TBX15: variants seen among roughly 807,000 people sequenced by gnomAD.
TBX15 encodes T-box transcription factor TBX15.
In TBX15, 18 loss-of-function variants were observed where a neutral mutation model predicts 53.9. That is an observed-to-expected ratio of 0.33 (90% CI 0.23 to 0.49). The LOEUF (loss-of-function observed/expected upper bound fraction) is 0.49, where lower values mean the gene tolerates loss of function less well. TBX15 is among the 20% of genes least tolerant of loss of function. The pLI, the probability that TBX15 is intolerant of heterozygous loss-of-function variation, is 0.98. For synonymous variants in TBX15, 295 were observed against 278.0 expected (o/e 1.06, Z -0.61); for missense variants, 692 against 749.5 (o/e 0.92, Z 0.90).
chr1:118,986,248 T>A, intron 1 of TBX15, among the ~76,000 whole-genome samples: 1 of 152,220 alleles, frequency 6.6e-6, no homozygotes, highest in Admixed American at 6.5e-5. Flanking sequence ...ACAGTAGCCC[T>A]GGGTGCCTTT....
At chr1:118,921,564 C>T (rs533346634) in intron 5 of TBX15, among the ~76,000 whole-genome samples, 8 of 152,338 alleles carry the variant, frequency 5.3e-5, no homozygotes, top group Non-Finnish European at 1.2e-4. Context: ...TGTAAAAATA[C>T]ACAACTTGCT....
chr1:118,909,927 T>C (rs971170227), intron 6 of TBX15, among the ~76,000 whole-genome samples: 4 of 152,128 alleles, frequency 2.6e-5, no homozygotes, highest in African/African-American at 7.2e-5. Flanking sequence ...GCTAGTATGC[T>C]CAGCCACAGG....
At chr1:118,953,441 TG>T (rs1553225804) in intron 1 of TBX15, among the ~76,000 whole-genome samples, 1 of 152,208 alleles carries the variant, frequency 6.6e-6, no homozygotes, top group Non-Finnish European at 1.5e-5. Flanking sequence ...CCTCCCACTC[TG>T]GGCCTTGGGA....
intron 7 of TBX15, among the ~76,000 whole-genome samples, chr1:118,893,428 GGAAGGAAGGAAGGAAGGAAA>G: frequency 8.5e-6 from 1 of 117,138 alleles, no homozygotes; most frequent in Non-Finnish European, 1.6e-5. Flanking sequence ...AAAGAAAGAT[GGAAGGAAGGAAGGAAGGAAA>G]GAAGGAAGGA....
intron 7 of TBX15, among the ~76,000 whole-genome samples, chr1:118,898,107 G>A (rs1317124753): frequency 6.6e-6 from 1 of 152,128 alleles, no homozygotes; most frequent in African/African-American, 2.4e-5. Context: ...TAATGCAGAC[G>A]ATAAAACTGG....
chr1:118,893,313 G>GGAAGGAAGGAAA (rs1488071535), intron 7 of TBX15, among the ~76,000 whole-genome samples: 7 of 90,058 alleles, frequency 7.8e-5, no homozygotes, highest in African/African-American at 2.8e-4. Flanking sequence ...AAGGAAGGAA[G>GGAAGGAAGGAAA]GAAAGAAAGA....
chr1:118,978,395 T>A (rs1306952659), intron 1 of TBX15, among the ~76,000 whole-genome samples: 1 of 152,164 alleles, frequency 6.6e-6, no homozygotes, highest in African/African-American at 2.4e-5. Flanking sequence ...AAAACCAAAG[T>A]TAGGATCACA....
rs1297445118 is a variant in TBX15 at position 118,884,555 on chromosome 1, C to T, written c.*177G>A. On this transcript the variant is annotated 3_prime_UTR_variant, in exon 8 of 8. Transcript: ENST00000369429. ...TGCGGATGATTCTATCGCAAGTATC[C>T]TTCACTGGCTTAAAGGTATCTCTTG... is the stretch of plus-strand genomic sequence containing the variant. 2.7e-6 allele frequency: 2 copies of T among 741,192 alleles called. No individual in the cohort carries two copies. Among genetic ancestry groups the T allele is most frequent in the Non-Finnish European group, 4.3e-6 (2 of 468,852 alleles). 45.9% of individuals were successfully genotyped at this position (741,192 alleles called of 1,614,324 possible).
chr1:118,981,526 A>G (rs959371849), intron 1 of TBX15, among the ~76,000 whole-genome samples: 2 of 152,258 alleles, frequency 1.3e-5, no homozygotes, highest in Non-Finnish European at 2.9e-5. Flanking sequence ...TATTAAAAGT[A>G]TAAAATGAAA....
intron 1 of TBX15, among the ~76,000 whole-genome samples, chr1:118,959,245 GGGCTGT>G (rs1656788574): frequency 6.6e-6 from 1 of 152,112 alleles, no homozygotes; most frequent in Non-Finnish European, 1.5e-5. Context: ...TATGAATGCT[GGGCTGT>G]GGAGGATACA....
intron 1 of TBX15, among the ~76,000 whole-genome samples, chr1:118,945,735 A>T (rs190767721): frequency 3.3e-5 from 5 of 152,314 alleles, no homozygotes; most frequent in Non-Finnish European, 5.9e-5. Flanking sequence ...TTGTTCTGTA[A>T]TAAATTCAAC....
chr1:118,984,912 T>C (rs1657779084), intron 1 of TBX15, among the ~76,000 whole-genome samples: 1 of 152,182 alleles, frequency 6.6e-6, no homozygotes, highest in South Asian at 2.1e-4. Context: ...AAGCCAGCTC[T>C]GTCCAGACGC....
intron 1 of TBX15, among the ~76,000 whole-genome samples, chr1:118,948,671 A>T (rs1030933106): frequency 2.0e-5 from 3 of 152,130 alleles, no homozygotes; most frequent in South Asian, 4.1e-4. Context: ...TTTCAACTTC[A>T]CAAAGAAACA....
At chr1:118,895,814 T>C (rs1184959373) in intron 7 of TBX15, among the ~76,000 whole-genome samples, 1 of 152,134 alleles carries the variant, frequency 6.6e-6, no homozygotes, top group Non-Finnish European at 1.5e-5. Context: ...AAACCATCAA[T>C]AGGAAGAGCA....
intron 1 of TBX15, among the ~76,000 whole-genome samples, chr1:118,977,108 C>T (rs1657459410): frequency 6.6e-6 from 1 of 152,072 alleles, no homozygotes; most frequent in Non-Finnish European, 1.5e-5. Flanking sequence ...ACTAACTTGC[C>T]CAAGGTCATA....
At chr1:118,936,329 A>G (rs60793822) in intron 1 of TBX15, among the ~76,000 whole-genome samples, 1,860 of 152,284 alleles carry the variant, frequency 0.012, 44 homozygotes, top group African/African-American at 0.042. Flanking sequence ...TAAAAACTTA[A>G]TATCCAAATT....
intron 2 of TBX15, among the ~76,000 whole-genome samples, chr1:118,928,224 C>T (rs1009328897): frequency 8.5e-5 from 13 of 152,210 alleles, no homozygotes; most frequent in African/African-American, 2.9e-4. Flanking sequence ...AGAAGGATCA[C>T]AGTCCTTTAA....
chr1:118,889,295 C>G (rs1654053684), intron 7 of TBX15, among the ~76,000 whole-genome samples: 1 of 152,212 alleles, frequency 6.6e-6, no homozygotes. Context: ...CTCCTATGAT[C>G]TAACAGCTTG....
chr1:118,956,478 G>T (rs1240945140), intron 1 of TBX15, among the ~76,000 whole-genome samples: 1 of 152,170 alleles, frequency 6.6e-6, no homozygotes, highest in Admixed American at 6.5e-5. Flanking sequence ...TTGTGAAACT[G>T]TGTAAAGGGT....
Sources: gnomAD v4.1 joint callset for allele counts (sites outside exome capture counted in the v4.1 genomes callset) on GRCh38, gnomAD v4.1.1 for gene constraint, MANE v1.5 for transcripts, NCBI Gene and HGNC (gene_info 2026-07-23, HGNC 2026-07-21) for gene names.